Variants in NUP58 observed in about 807,000 individuals in gnomAD.
NUP58 encodes nucleoporin p58/p45.
A neutral mutation model predicts 70.1 loss-of-function variants in NUP58; 17 were observed. The observed-to-expected ratio is 0.24, with a 90% CI of 0.17 to 0.36. NUP58 has a LOEUF of 0.36. Ranked by LOEUF, NUP58 falls within the 10% of genes least tolerant of loss-of-function variation. The probability of loss-of-function intolerance (pLI) is 1.00; values close to 1 mark genes in which losing one functional copy is unlikely to be tolerated. For synonymous variants in NUP58, 275 were observed against 257.6 expected (o/e 1.07, Z -0.65); for missense variants, 644 against 701.5 (o/e 0.92, Z 0.93).
intron 5 of NUP58, among the ~76,000 whole-genome samples, chr13:25,314,085 C>A (rs917091188): frequency 1.3e-5 from 2 of 152,030 alleles, no homozygotes; most frequent in Admixed American, 6.6e-5. Flanking sequence ...TGTGTGCCAG[C>A]ACACCTGGCT....
At chr13:25,302,532 G>A (rs1213830813) in intron 1 of NUP58, among the ~76,000 whole-genome samples, 4 of 152,326 alleles carry the variant, frequency 2.6e-5, no homozygotes, top group Admixed American at 6.5e-5. Context: ...AACGTAGGTA[G>A]CATGTTCCTT....
chr13:25,315,569 A>T, intron 6 of NUP58, 102 bp downstream of exon 6: 7 of 743,164 alleles, frequency 9.4e-6, no homozygotes, highest in Non-Finnish European at 1.4e-5. Context: ...TTATATATTT[A>T]GTAGTAACAG....
At chr13:25,302,290 T>C (rs1033644246) in intron 1 of NUP58, among the ~76,000 whole-genome samples, 1 of 152,264 alleles carries the variant, frequency 6.6e-6, no homozygotes, top group South Asian at 2.1e-4. Flanking sequence ...TCCGATTTCA[T>C]TGCAGCATTT....
intron 3 of NUP58, among the ~76,000 whole-genome samples, chr13:25,311,948 C>CA (rs1268885781): frequency 6.6e-6 from 1 of 151,900 alleles, no homozygotes; most frequent in South Asian, 2.1e-4. Flanking sequence ...GGAGATATAG[C>CA]AAAAAATGTT....
At chr13:25,322,338 A>G (rs1389940797) in intron 9 of NUP58, among the ~76,000 whole-genome samples, 4 of 152,212 alleles carry the variant, frequency 2.6e-5, no homozygotes, top group Non-Finnish European at 5.9e-5. Flanking sequence ...TAAAAGAGCT[A>G]CTCTAAACTG....
At chr13:25,332,900 C>T (rs1477057700) in intron 13 of NUP58, 53 of 985,160 alleles carry the variant, frequency 5.4e-5, no homozygotes, top group Non-Finnish European at 5.8e-5. Flanking sequence ...TCATGATTAC[C>T]TAACCAGTTA....
chr13:25,308,594 AG>A (rs1423670948), intron 2 of NUP58, among the ~76,000 whole-genome samples: 1 of 151,902 alleles, frequency 6.6e-6, no homozygotes, highest in Admixed American at 6.6e-5. Context: ...TATAGGCCTG[AG>A]TTACCATGCC....
At chr13:25,308,535 T>C (rs1421526249) in intron 2 of NUP58, among the ~76,000 whole-genome samples, 2 of 151,798 alleles carry the variant, frequency 1.3e-5, no homozygotes, top group African/African-American at 4.8e-5. Flanking sequence ...GGTCTTAAAT[T>C]CCTGAGGTCA....
intron 13 of NUP58, chr13:25,333,057 T>C (rs1381881224): frequency 2.0e-6 from 2 of 984,924 alleles, no homozygotes; most frequent in East Asian, 2.3e-4. Context: ...ATATAAAAAG[T>C]TATGTTGTAA....
rs372001850 is a variant in NUP58 at position 25,329,968 on chromosome 13, A to G, written c.1234-1389A>G. On this transcript the variant is annotated intron_variant, in intron 12 of 15. Transcript: ENST00000381736. ...CTCAGCCTCTTGAGTAGCTAGGACT[A>G]CAGGCATGCACCACCACACCTAGCT... Among the ~76,000 whole-genome samples, 11 of 152,244 alleles carry G rather than the reference A, an allele frequency of 7.2e-5. No individual in the cohort carries two copies. The East Asian group carries it at 1.9e-3, about 27-fold the overall frequency.
At chr13:25,345,333 C>T (rs1349021128), downstream of NUP58, among the ~76,000 whole-genome samples, 1 of 152,070 alleles carries the variant, frequency 6.6e-6, no homozygotes, top group East Asian at 1.9e-4. Context: ...AACTGAAAGG[C>T]ACTGAAGGTA....
At chr13:25,328,710 C>G (rs1316063691) in intron 12 of NUP58, among the ~76,000 whole-genome samples, 2 of 152,096 alleles carry the variant, frequency 1.3e-5, no homozygotes, top group African/African-American at 4.8e-5. Context: ...AATATTTTGA[C>G]TCTCATAATA....
At chr13:25,327,704 A>T (rs190374486) in intron 12 of NUP58, among the ~76,000 whole-genome samples, 192 bp downstream of exon 12, 2 of 152,346 alleles carry the variant, frequency 1.3e-5, no homozygotes, top group East Asian at 3.9e-4. Flanking sequence ...AAAAGATCCA[A>T]GTACGCTGTA....
Position 25,301,670 on chromosome 13 carries a change from C to A in NUP58, c.-104C>A. 5.2e-6 allele frequency: 3 copies of A among 572,612 alleles called. No homozygotes were observed. The highest frequency in any genetic ancestry group is 8.6e-6 in the Non-Finnish European group (3 of 350,376). The allele number at this position is 572,612 out of a possible 1,614,324, so 35.5% of individuals were successfully genotyped here. On this transcript the variant is annotated 5_prime_UTR_variant, in exon 1 of 16. Coordinates refer to ENST00000381736, the MANE Select transcript of NUP58 (RefSeq NM_014089.4). ...TGGGGCTGGAAGTTCCCGCCAGGTC[C>A]GTGCCGGGCGAGAGAGATGCTGCCC...
intron 3 of NUP58, among the ~76,000 whole-genome samples, chr13:25,312,053 G>C (rs2137738377): frequency 6.6e-6 from 1 of 152,262 alleles, no homozygotes; most frequent in South Asian, 2.1e-4. Flanking sequence ...TCACCTGTAG[G>C]AGAAATGATG....
chr13:25,333,862 A>T, intron 13 of NUP58: 1 of 985,350 alleles, frequency 1.0e-6, no homozygotes, highest in African/African-American at 1.7e-5. Context: ...ATCACTGTTG[A>T]TCTATACAAG....
chr13:25,332,904 C>G, intron 13 of NUP58: 1 of 984,606 alleles, frequency 1.0e-6, no homozygotes, highest in Non-Finnish European at 1.2e-6. Flanking sequence ...GATTACCTAA[C>G]CAGTTAATCA....
At chr13:25,343,938 C>G (rs1238287737), downstream of NUP58, among the ~76,000 whole-genome samples, 1 of 151,478 alleles carries the variant, frequency 6.6e-6, no homozygotes, top group Non-Finnish European at 1.5e-5. Context: ...GGGGTTGATT[C>G]TGGAAATAAA....
chr13:25,306,574 T>C (rs1039951448), intron 1 of NUP58, among the ~76,000 whole-genome samples: 1 of 152,050 alleles, frequency 6.6e-6, no homozygotes, highest in Non-Finnish European at 1.5e-5. Context: ...AAAAATGACA[T>C]TGGGTTCTCC....
Sources: allele counts gnomAD v4.1 joint callset (sites outside exome capture counted in the v4.1 genomes callset), GRCh38; gene constraint gnomAD v4.1.1; transcripts MANE v1.5; gene names NCBI Gene and HGNC (gene_info 2026-07-23, HGNC 2026-07-21).